TLN2: variants seen among roughly 807,000 people sequenced by gnomAD.
TLN2 encodes talin-2.
In TLN2, 118 loss-of-function variants were observed where a neutral mutation model predicts 294.7. The ratio of observed to expected loss-of-function variants is 0.40; its 90% confidence interval spans 0.34 to 0.47. The LOEUF is 0.47. TLN2 is among the 20% of genes least tolerant of loss of function. The probability of loss-of-function intolerance (pLI) is 0.84; values close to 1 mark genes in which losing one functional copy is unlikely to be tolerated. For synonymous variants in TLN2, 1,431 were observed against 1,304.5 expected, an observed-to-expected ratio of 1.10 and a Z score of -2.09; for missense variants, 3,083 against 3,282.2, an observed-to-expected ratio of 0.94 and a Z score of 1.48.
intron 52 of TLN2, among the ~76,000 whole-genome samples, chr15:62,816,457 G>A (rs2067124304): frequency 6.6e-6 from 1 of 152,176 alleles, no homozygotes; most frequent in Non-Finnish European, 1.5e-5. Context: ...AAATCATGTT[G>A]ACTTAATGGC....
chr15:62,719,022 C>T (rs2059959521), intron 24 of TLN2, among the ~76,000 whole-genome samples: 1 of 152,152 alleles, frequency 6.6e-6, no homozygotes, highest in African/African-American at 2.4e-5. Context: ...GTCATCAGGC[C>T]AGTATGCACT....
chr15:62,553,116 A>G (rs2042414598), intron 1 of TLN2, among the ~76,000 whole-genome samples: 2 of 152,258 alleles, frequency 1.3e-5, no homozygotes, highest in Non-Finnish European at 2.9e-5. Context: ...TCCTACATAC[A>G]TCATGAAAAA....
At chr15:62,673,706 TTACTC>T in intron 9 of TLN2, 116 bp from the exon 10 acceptor site, 1 of 682,656 alleles carries the variant, frequency 1.5e-6, no homozygotes, top group Non-Finnish European at 2.5e-6. Context: ...CTGTTATTAA[TTACTC>T]TATAAAATAT....
chr15:62,761,067 G>T (rs1238267136), intron 37 of TLN2, among the ~76,000 whole-genome samples: 1 of 152,250 alleles, frequency 6.6e-6, no homozygotes, highest in South Asian at 2.1e-4. Flanking sequence ...GGCCCGTTTT[G>T]TTAAATATGA....
intron 1 of TLN2, among the ~76,000 whole-genome samples, chr15:62,587,304 T>C (rs923760580): frequency 2.0e-5 from 3 of 152,248 alleles, no homozygotes; most frequent in African/African-American, 7.2e-5. Context: ...CTCCATTGTA[T>C]TCTTTAGAAA....
chr15:62,588,673 T>TATATATATATATATATACATTTTTTTC (rs2045841037), intron 1 of TLN2, among the ~76,000 whole-genome samples: 2 of 67,834 alleles, frequency 2.9e-5, no homozygotes, highest in Admixed American at 1.4e-4. Context: ...TTCATATATA[T>TATATATATATATATATACATTTTTTTC]ATATATATAT....
At chr15:62,692,781 G>A in intron 12 of TLN2, 59 bp from the exon 13 acceptor site, 3 of 1,367,750 alleles carry the variant, frequency 2.2e-6, no homozygotes, top group South Asian at 1.2e-5. Context: ...GGACCTGCTA[G>A]CCTTTAAAAT....
At chr15:62,765,511 G>C (rs865955297) in intron 40 of TLN2, among the ~76,000 whole-genome samples, 10 of 152,102 alleles carry the variant, frequency 6.6e-5, no homozygotes, top group Admixed American at 2.0e-4. Flanking sequence ...TTCCATGCTG[G>C]TGTGTGCAGA....
At chr15:62,391,083 C>CATAG (rs2032037545) in intron 1 of TLN2, among the ~76,000 whole-genome samples, 1 of 152,212 alleles carries the variant, frequency 6.6e-6, no homozygotes. Flanking sequence ...GCCCCGCCTG[C>CATAG]ATAGAGTGTC....
intron 1 of TLN2, among the ~76,000 whole-genome samples, chr15:62,491,463 A>G (rs1325330121): frequency 3.0e-4 from 45 of 151,662 alleles, no homozygotes; most frequent in Admixed American, 3.0e-3. Flanking sequence ...GGGGGCTTCC[A>G]GGTCAGAGGT....
chr15:62,644,880 T>A (rs1350891615), intron 3 of TLN2: 1 of 298,860 alleles, frequency 3.3e-6, no homozygotes, highest in African/African-American at 2.2e-5. Context: ...AAAGCTCAGT[T>A]TTTAGCCTGG....
In TLN2 at chr15:62,809,973, T is replaced by G; in HGVS notation, c.6712T>G (p.Leu2238Val). Reference protein sequence around the residue: ...DVSDEVRTRALRFGTECTLGY... With the variant: ...DVSDEVRTRAVRFGTECTLGY... The stretch of plus-strand genomic sequence containing the variant: ...CAGTGACGAGGTGAGAACCAGAGCC[T>G]TGCGTTTCGGGACGGAGTGCACCCT... Residue 2238 changes from leucine (L) to valine (V), a missense_variant, in exon 52 of 59, where the codon TTG (leucine) becomes GTG (valine). By Grantham distance (32) the Leu-to-Val change is conservative. Transcript: ENST00000636159. The G allele has an allele frequency of 2.5e-6, 4 of 1,614,122 alleles. No individual in the cohort carries two copies. Among genetic ancestry groups the G allele is most frequent in the African/African-American group, 1.3e-5 (1 of 75,010 alleles).
At chr15:62,813,165 T>C (rs1313928460) in intron 52 of TLN2, among the ~76,000 whole-genome samples, 2 of 152,238 alleles carry the variant, frequency 1.3e-5, no homozygotes, top group Non-Finnish European at 2.9e-5. Flanking sequence ...CTGGTGACCA[T>C]TGACATTTCA....
At chr15:62,570,290 T>C (rs992539165) in intron 1 of TLN2, among the ~76,000 whole-genome samples, 2 of 152,352 alleles carry the variant, frequency 1.3e-5, no homozygotes, top group African/African-American at 4.8e-5. Flanking sequence ...AACAGCCTGT[T>C]GCTTTCTAGT....
intron 1 of TLN2, among the ~76,000 whole-genome samples, chr15:62,440,383 T>C (rs1268543207): frequency 1.3e-5 from 2 of 152,228 alleles, no homozygotes; most frequent in Non-Finnish European, 2.9e-5. Flanking sequence ...CCCCCTCTCC[T>C]TTCTTAAGTA....
At chr15:62,403,495 A>G (rs2033171065) in intron 1 of TLN2, among the ~76,000 whole-genome samples, 1 of 152,146 alleles carries the variant, frequency 6.6e-6, no homozygotes, top group South Asian at 2.1e-4. Context: ...GGCCTCCCGA[A>G]GTGTTGGGAT....
chr15:62,649,866 C>T (rs1213067358), intron 4 of TLN2: 5 of 502,264 alleles, frequency 1.0e-5, no homozygotes, highest in African/African-American at 9.6e-5. Flanking sequence ...TTTTAGGAAA[C>T]ACGGACCTTA....
chr15:62,409,685 A>T (rs7165408), intron 1 of TLN2, among the ~76,000 whole-genome samples: 1 of 152,166 alleles, frequency 6.6e-6, no homozygotes, highest in African/African-American at 2.4e-5. Context: ...GTTAGGAATG[A>T]CCATGGTTGA....
chr15:62,395,458 G>T (rs574428250), intron 1 of TLN2, among the ~76,000 whole-genome samples: 11 of 152,098 alleles, frequency 7.2e-5, no homozygotes, highest in Non-Finnish European at 1.3e-4. Flanking sequence ...CTCTCTGCTC[G>T]ATGGGGCAGG....
Sources: gnomAD v4.1 joint callset for allele counts (sites outside exome capture counted in the v4.1 genomes callset) on GRCh38, gnomAD v4.1.1 for gene constraint, MANE v1.5 for transcripts, NCBI Gene and HGNC (gene_info 2026-07-23, HGNC 2026-07-21) for gene names.